ZNF423: variants seen among roughly 807,000 people sequenced by gnomAD.
The protein encoded by ZNF423 is Ebf-associated zinc finger protein.
In ZNF423, 12 loss-of-function variants were observed where a neutral mutation model predicts 95.8. That is an observed-to-expected ratio of 0.13 (90% CI 0.08 to 0.20). The LOEUF (loss-of-function observed/expected upper bound fraction) is 0.20. Among genes scored for constraint, ZNF423 ranks in the 10% least tolerant of loss-of-function variants. The probability of loss-of-function intolerance (pLI) is 1.00; values close to 1 mark genes in which losing one functional copy is unlikely to be tolerated. For synonymous variants in ZNF423, 749 were observed against 711.9 expected (o/e 1.05, Z -0.83); for missense variants, 1,316 against 1,737.1 (o/e 0.76, Z 4.31).
At chr16:49,657,969 C>T (rs1000980168) in intron 3 of ZNF423, among the ~76,000 whole-genome samples, 1 of 152,216 alleles carries the variant, frequency 6.6e-6, no homozygotes, top group Non-Finnish European at 1.5e-5. Flanking sequence ...GTGTCCTATA[C>T]TATTACTCAA....
chr16:49,804,227 G>A (rs1239339139), intron 1 of ZNF423, among the ~76,000 whole-genome samples: 1 of 151,988 alleles, frequency 6.6e-6, no homozygotes, highest in Non-Finnish European at 1.5e-5. Flanking sequence ...GAGGCACTGC[G>A]CCCCGCCTTC....
At chr16:49,738,419 C>G (rs2033339948) in intron 2 of ZNF423, among the ~76,000 whole-genome samples, 1 of 152,150 alleles carries the variant, frequency 6.6e-6, no homozygotes, top group African/African-American at 2.4e-5. Flanking sequence ...GTGACCTTGA[C>G]CAAGGCAAGT....
intron 3 of ZNF423, among the ~76,000 whole-genome samples, chr16:49,649,480 G>A (rs1298491610): frequency 6.6e-6 from 1 of 152,058 alleles, no homozygotes; most frequent in East Asian, 1.9e-4. Flanking sequence ...TTTTAATTCA[G>A]CACATATTTA....
chr16:49,587,746 C>T (rs1369342270), intron 5 of ZNF423, among the ~76,000 whole-genome samples: 3 of 152,094 alleles, frequency 2.0e-5, no homozygotes, highest in Non-Finnish European at 4.4e-5. Context: ...ACCGGTGACT[C>T]TAGCAAAAAG....
chr16:49,642,801 C>CTTTTTTTTTT (rs55662710), intron 3 of ZNF423, among the ~76,000 whole-genome samples: 1 of 91,552 alleles, frequency 1.1e-5, no homozygotes, highest in Non-Finnish European at 2.1e-5. Context: ...GTTCTCTTTT[C>CTTTTTTTTTT]TTTTTTTTTT....
chr16:49,840,759 A>C (rs999118822), intron 1 of ZNF423, among the ~76,000 whole-genome samples: 7 of 152,268 alleles, frequency 4.6e-5, no homozygotes, highest in Admixed American at 3.9e-4. Flanking sequence ...ATGCACACAC[A>C]TACCCAACAG....
intron 3 of ZNF423, among the ~76,000 whole-genome samples, chr16:49,699,629 T>G (rs1320267388): frequency 6.6e-6 from 1 of 152,248 alleles, no homozygotes; most frequent in Non-Finnish European, 1.5e-5. Flanking sequence ...AGGTGGTATC[T>G]TCATTGTTTA....
chr16:49,786,018 C>T (rs2143804115), intron 2 of ZNF423, among the ~76,000 whole-genome samples: 1 of 152,308 alleles, frequency 6.6e-6, no homozygotes, highest in Non-Finnish European at 1.5e-5. Flanking sequence ...ACTCCTCCAG[C>T]TCCACACCTC....
intron 3 of ZNF423, among the ~76,000 whole-genome samples, chr16:49,652,290 C>A (rs1241216809): frequency 6.6e-6 from 1 of 151,928 alleles, no homozygotes; most frequent in Non-Finnish European, 1.5e-5. Context: ...TTACTTAGCA[C>A]TGATATTGAA....
At chr16:49,513,150 G>A (rs573828190) in intron 7 of ZNF423, among the ~76,000 whole-genome samples, 1 of 152,242 alleles carries the variant, frequency 6.6e-6, no homozygotes, top group South Asian at 2.1e-4. Flanking sequence ...GGGGTCAGCA[G>A]CCAGCCCAAC....
chr16:49,500,445 G>A lies in ZNF423; in HGVS notation c.3850-9141C>T, dbSNP rs143531850. Among the ~76,000 whole-genome samples, 20 of 152,260 alleles carry A rather than the reference G, an allele frequency of 1.3e-4. No individual in the cohort carries two copies. The East Asian group carries it at 3.1e-3, about 24-fold the overall frequency. On this transcript the variant is annotated intron_variant, in intron 7 of 7. Coordinates refer to ENST00000563137, the MANE Select transcript of ZNF423 (RefSeq NM_001379286.1). ...GCAGCCTGCTTGAAACCAGGCCCCC[G>A]TGGGACAGCTCATCTCAAATATGAA...
At chr16:49,515,184 G>C (rs987591912) in intron 7 of ZNF423, among the ~76,000 whole-genome samples, 4 of 152,232 alleles carry the variant, frequency 2.6e-5, no homozygotes, top group East Asian at 1.9e-4. Flanking sequence ...TCCTGGCCTC[G>C]AGCTGCAGCC....
At chr16:49,730,530 GC>G (rs2033137392) in intron 3 of ZNF423, 8 of 559,532 alleles carry the variant, frequency 1.4e-5, no homozygotes, top group Non-Finnish European at 2.5e-5. Context: ...AGCACAGCTT[GC>G]GGGGAGAGGG....
chr16:49,834,881 G>A (rs375860263), intron 1 of ZNF423, among the ~76,000 whole-genome samples: 1 of 152,192 alleles, frequency 6.6e-6, no homozygotes, highest in South Asian at 2.1e-4. Context: ...GGAAGGAGGG[G>A]GCCCAGGAGG....
chr16:49,631,902 GAGT>G (rs1972515929), intron 4 of ZNF423, among the ~76,000 whole-genome samples: 1 of 152,216 alleles, frequency 6.6e-6, no homozygotes, highest in African/African-American at 2.4e-5. Context: ...TCTTGCTGGT[GAGT>G]AGGAGAACTG....
intron 2 of ZNF423, among the ~76,000 whole-genome samples, chr16:49,753,637 AG>A (rs1325138720): frequency 6.6e-6 from 1 of 151,718 alleles, no homozygotes; most frequent in East Asian, 1.9e-4. Flanking sequence ...GTGTTAGGAC[AG>A]GAACTGTTGA....
intron 1 of ZNF423, among the ~76,000 whole-genome samples, chr16:49,794,627 C>A (rs2034470676): frequency 6.6e-6 from 1 of 152,226 alleles, no homozygotes; most frequent in African/African-American, 2.4e-5. Context: ...GTCACATGGC[C>A]AGGCTGCAGC....
intron 5 of ZNF423, among the ~76,000 whole-genome samples, chr16:49,615,543 G>A (rs1971847239): frequency 6.6e-6 from 1 of 152,160 alleles, no homozygotes; most frequent in African/African-American, 2.4e-5. Context: ...AAGGCACGCA[G>A]GCTAGGCAGT....
chr16:49,807,353 C>T (rs2034680906), intron 1 of ZNF423, among the ~76,000 whole-genome samples: 1 of 152,022 alleles, frequency 6.6e-6, no homozygotes, highest in Non-Finnish European at 1.5e-5. Context: ...ATGGCGTGAA[C>T]CCGGGAGGCA....
Sources: allele counts gnomAD v4.1 joint callset (sites outside exome capture counted in the v4.1 genomes callset), GRCh38; gene constraint gnomAD v4.1.1; transcripts MANE v1.5; gene names NCBI Gene and HGNC (gene_info 2026-07-23, HGNC 2026-07-21).